The following VPS13A variants were observed in gnomAD, a reference collection of about 807,000 sequenced individuals.
VPS13A encodes intermembrane lipid transfer protein VPS13A.
In VPS13A, 264 loss-of-function variants were observed where a neutral mutation model predicts 390.9. The ratio of observed to expected loss-of-function variants is 0.68; its 90% CI spans 0.61 to 0.75. The LOEUF (loss-of-function observed/expected upper bound fraction) is 0.75, where lower values mean the gene tolerates loss of function less well. Among genes scored for constraint, VPS13A ranks in the 30% least tolerant of loss-of-function variants. The pLI is 0.00. For synonymous variants in VPS13A, 1,231 were observed against 1,227.1 expected, an observed-to-expected ratio of 1.00 and a Z score of -0.07; for missense variants, 3,409 against 3,733.9, an observed-to-expected ratio of 0.91 and a Z score of 2.27.
At chr9:77,281,314 G>T (rs1827012389) in intron 27 of VPS13A, among the ~76,000 whole-genome samples, 1 of 152,050 alleles carries the variant, frequency 6.6e-6, no homozygotes, top group Non-Finnish European at 1.5e-5. Flanking sequence ...CACAAAGAAA[G>T]ATAGGAAAGC....
At chr9:77,378,144 T>C (rs905775059) in intron 67 of VPS13A, among the ~76,000 whole-genome samples, 3 of 152,182 alleles carry the variant, frequency 2.0e-5, no homozygotes, top group Non-Finnish European at 2.9e-5. Flanking sequence ...TTGCCTGGTA[T>C]GGGTATCAGG....
At chr9:77,192,527 G>A (rs913026888) in intron 1 of VPS13A, among the ~76,000 whole-genome samples, 1 of 152,100 alleles carries the variant, frequency 6.6e-6, no homozygotes, top group Non-Finnish European at 1.5e-5. Context: ...CTCTTAAAAG[G>A]CAAGTCTGGT....
intron 54 of VPS13A, among the ~76,000 whole-genome samples, chr9:77,355,069 C>T (rs930969680): frequency 6.6e-6 from 1 of 152,162 alleles, no homozygotes; most frequent in Non-Finnish European, 1.5e-5. Context: ...CTTGAGCCTA[C>T]TTTCCTTGCT....
At chr9:77,295,997 C>T (rs1827975190) in intron 33 of VPS13A, 151 bp downstream of exon 33, 3 of 856,494 alleles carry the variant, frequency 3.5e-6, no homozygotes, top group Non-Finnish European at 5.2e-6. Context: ...TATATTTTGG[C>T]AAAATCAATT....
Position 77,339,745 on chromosome 9 carries a change from A to G in VPS13A, c.6608A>G (p.Asn2203Ser), listed in dbSNP as rs769295188. ...GATATTGCTGTCCATATGACTTACA[A>G]TACTGGTCAGACAGTTGTGGCATTT... ...DLDIAVHMTY[N>S]TGQTVVAFHS... The change falls in exon 48 of 72, where the codon AAT becomes AGT. Residue 2203 changes from asparagine (N) to serine (S), a missense_variant. Physicochemically the swap from Asn to Ser is conservative, Grantham distance 46. Around this residue, in one of 5 missense-constraint regions of VPS13A, gnomAD observed 2,717 missense variants for 2,917.4 expected, o/e 0.93. Coordinates refer to ENST00000360280, the MANE Select transcript of VPS13A (RefSeq NM_033305.3). 1.2e-5 allele frequency: 19 copies of G among 1,613,996 alleles called. No homozygotes were observed. The highest frequency in any genetic ancestry group is 1.5e-5 in the Non-Finnish European group (18 of 1,180,004).
rs747254657 is a variant in VPS13A at position 77,319,615 on chromosome 9, T to C, written c.5357T>C (p.Leu1786Pro). 6 of 1,612,590 alleles carry C rather than the reference T, an allele frequency of 3.7e-6. No individual in the cohort carries two copies. Among genetic ancestry groups the C allele is most frequent in the Non-Finnish European group, 5.1e-6 (6 of 1,179,032 alleles). The change falls in exon 42 of 72, where the codon CTT becomes CCT. Residue 1786 changes from leucine (L) to proline (P), a missense_variant. Leu to Pro is a moderately conservative substitution (Grantham distance 98). This residue lies in a region of VPS13A where 2,717 missense variants were observed against 2,917.4 expected (regional missense o/e 0.93). Transcript: ENST00000360280. ...ATGTTTGGTGTATGGGAGCCTTTGC[T>C]TGAACCCTTAGAAATTGATCAGACT... ...NEMFGVWEPL[L>P]EPLEIDQTED...
At chr9:77,244,498 C>T (rs920288042) in intron 19 of VPS13A, among the ~76,000 whole-genome samples, 2 of 152,130 alleles carry the variant, frequency 1.3e-5, no homozygotes, top group African/African-American at 4.8e-5. Context: ...CCTCGTTCTG[C>T]TGTGAAACCA....
chr9:77,183,287 G>A (rs139791622), intron 1 of VPS13A, among the ~76,000 whole-genome samples: 388 of 152,302 alleles, frequency 2.5e-3, no homozygotes, highest in African/African-American at 8.7e-3. Context: ...ATATGTGCAT[G>A]CAGGTAACAA....
intron 51 of VPS13A, among the ~76,000 whole-genome samples, chr9:77,344,493 C>CA (rs1002535543): frequency 1.3e-5 from 2 of 152,088 alleles, no homozygotes; most frequent in African/African-American, 4.8e-5. Context: ...TGCGGTGGCT[C>CA]ACGCCTGTAA....
chr9:77,191,564 A>G (rs1824689105), intron 1 of VPS13A, among the ~76,000 whole-genome samples: 1 of 151,982 alleles, frequency 6.6e-6, no homozygotes, highest in Non-Finnish European at 1.5e-5. Flanking sequence ...CTTGCAAAGT[A>G]CTGGGATTAC....
At chr9:77,238,495 A>G (rs1336154912) in intron 19 of VPS13A, 109 bp downstream of exon 19, 1 of 885,126 alleles carries the variant, frequency 1.1e-6, no homozygotes. Context: ...TTATATTTCT[A>G]GACTGGTTTT....
intron 33 of VPS13A, among the ~76,000 whole-genome samples, chr9:77,300,828 A>G (rs1202810788): frequency 6.6e-6 from 1 of 152,274 alleles, no homozygotes; most frequent in Non-Finnish European, 1.5e-5. Flanking sequence ...TAGGTTCTTT[A>G]TACATTAATC....
chr9:77,210,779 G>A (rs960165457), intron 7 of VPS13A, 104 bp downstream of exon 7: 2 of 1,172,074 alleles, frequency 1.7e-6, no homozygotes, highest in East Asian at 4.7e-5. Context: ...TGTCTATGTA[G>A]AACGGGTGCA....
intron 45 of VPS13A, among the ~76,000 whole-genome samples, chr9:77,330,443 C>T (rs1830224697): frequency 6.6e-6 from 1 of 152,114 alleles, no homozygotes; most frequent in African/African-American, 2.4e-5. Flanking sequence ...TCTCAGCTTC[C>T]AACCAACTTT....
intron 54 of VPS13A, among the ~76,000 whole-genome samples, chr9:77,356,133 A>G (rs770920967): frequency 1.7e-4 from 26 of 152,116 alleles, no homozygotes; most frequent in Admixed American, 1.6e-3. Flanking sequence ...TTTATTTTCT[A>G]TTCCTAATGT....
intron 70 of VPS13A, 148 bp from the exon 71 acceptor site, chr9:77,407,385 C>T (rs918882564): frequency 3.3e-6 from 2 of 603,920 alleles, no homozygotes; most frequent in Non-Finnish European, 5.9e-6. Flanking sequence ...TTTGATTCTT[C>T]TTGCTTCCTC....
intron 69 of VPS13A, among the ~76,000 whole-genome samples, chr9:77,404,792 G>A (rs890574487): frequency 6.6e-6 from 1 of 152,162 alleles, no homozygotes; most frequent in Admixed American, 6.5e-5. Context: ...TCAGGACTGG[G>A]AATAGCTGCT....
In VPS13A at chr9:77,340,545, G is replaced by A; in HGVS notation, c.7021G>A (p.Glu2341Lys). The A allele has an allele frequency of 6.2e-7, 1 of 1,612,320 alleles. No individual in the cohort carries two copies. The highest frequency in any genetic ancestry group is 8.5e-7 in the Non-Finnish European group (1 of 1,179,622). ...GNDKWLSLDL[E>K]QCIPFWPEYA... The stretch of plus-strand genomic sequence containing the variant: ...TGATAAATGGCTCTCTCTTGATTTG[G>A]AGCAGGTGGGTAGATGAATTTCAAA... Residue 2341 changes from glutamate to lysine, a missense_variant, in exon 50 of 72, where the codon GAG (glutamate) becomes AAG (lysine). Coordinates refer to ENST00000360280, the MANE Select transcript of VPS13A (RefSeq NM_033305.3).
chr9:77,414,003 G>C (rs1408288086), intron 71 of VPS13A, among the ~76,000 whole-genome samples: 1 of 152,162 alleles, frequency 6.6e-6, no homozygotes, highest in Admixed American at 6.5e-5. Flanking sequence ...TCACATCACT[G>C]GCCATCAGAG....
Sources: allele counts gnomAD v4.1 joint callset (sites outside exome capture counted in the v4.1 genomes callset), GRCh38; gene constraint gnomAD v4.1.1; regional missense constraint gnomAD v4.1.1; transcripts MANE v1.5; gene names NCBI Gene and HGNC (gene_info 2026-07-23, HGNC 2026-07-21).